Variants in DSN1 observed in about 807,000 individuals in gnomAD.
DSN1 encodes DSN1 component of MIS12 kinetochore complex.
DSN1 carries 31 observed loss-of-function variants against 45.7 expected under a neutral mutation model. The ratio of observed to expected loss-of-function variants is 0.68; its 90% CI spans 0.51 to 0.92. The LOEUF is 0.92. Ranked by LOEUF, DSN1 falls within the 40% of genes least tolerant of loss-of-function variation. DSN1 has a pLI of 0.00. For missense variants in DSN1, 394 were observed against 414.2 expected (o/e 0.95, Z 0.42); for synonymous variants, 134 against 142.3 (o/e 0.94, Z 0.41).
At chr20:36,756,315 A>G (rs1399260320) in intron 8 of DSN1, among the ~76,000 whole-genome samples, 2 of 152,070 alleles carry the variant, frequency 1.3e-5, no homozygotes, top group South Asian at 2.1e-4. Flanking sequence ...TCTAGTATTC[A>G]TGTCTTTATA....
chr20:36,772,148 G>C (rs1987682776), intron 1 of DSN1, among the ~76,000 whole-genome samples: 1 of 151,910 alleles, frequency 6.6e-6, no homozygotes, highest in African/African-American at 2.4e-5. Flanking sequence ...CCCAAAGTCT[G>C]GGATTACAGG....
chr20:36,755,677 C>G lies in DSN1; in HGVS notation c.873+5G>C. The G allele has an allele frequency of 1.2e-6, 2 of 1,610,442 alleles. No individual in the cohort carries two copies. The highest frequency in any genetic ancestry group is 1.1e-5 in the South Asian group (1 of 90,540). On this transcript the variant is annotated splice_donor_5th_base_variant and intron_variant, in intron 9 of 10. Transcript: ENST00000373750. Reference sequence around the variant, plus strand: ...ACTCAACTAAATAAACATGAGCCCACTTACCACCAACTCCATACAGTCAAA... The same window carrying G: ...ACTCAACTAAATAAACATGAGCCCAGTTACCACCAACTCCATACAGTCAAA...
intron 4 of DSN1, among the ~76,000 whole-genome samples, chr20:36,767,405 A>G (rs1031978732): frequency 6.6e-6 from 1 of 152,172 alleles, no homozygotes; most frequent in African/African-American, 2.4e-5. Flanking sequence ...AAGGTTATTT[A>G]ATTCACACAA....
chr20:36,769,117 G>A (rs1447652596), intron 3 of DSN1, among the ~76,000 whole-genome samples: 2 of 152,200 alleles, frequency 1.3e-5, no homozygotes, highest in Non-Finnish European at 2.9e-5. Flanking sequence ...AATTGGGTGA[G>A]CATTTTACAT....
At chr20:36,762,689 T>C (rs934529169) in intron 5 of DSN1, 141 bp from the exon 6 acceptor site, 1 of 597,680 alleles carries the variant, frequency 1.7e-6, no homozygotes, top group African/African-American at 1.9e-5. Flanking sequence ...AAGTGTGGAG[T>C]TAAGTATGTA....
At chr20:36,773,238 T>C (rs1329570838) in intron 1 of DSN1, among the ~76,000 whole-genome samples, 3 of 152,220 alleles carry the variant, frequency 2.0e-5, no homozygotes, top group Non-Finnish European at 2.9e-5. Context: ...GTTATTCCAC[T>C]TAATCCCTTC....
At chr20:36,758,533 G>T (rs374915964) in intron 7 of DSN1, 25 bp downstream of exon 7, 3 of 1,585,578 alleles carry the variant, frequency 1.9e-6, no homozygotes, top group East Asian at 4.5e-5. Flanking sequence ...AACGAATTTA[G>T]ATTTTCTAAC....
At chr20:36,765,122 G>A (rs1003822933) in intron 5 of DSN1, among the ~76,000 whole-genome samples, 4 of 151,900 alleles carry the variant, frequency 2.6e-5, no homozygotes, top group African/African-American at 9.7e-5. Flanking sequence ...GCTGGTGAGA[G>A]AATAAATTGA....
chr20:36,752,078 A>G lies in DSN1; in HGVS notation c.*710T>C, dbSNP rs901749653. On this transcript the variant is annotated 3_prime_UTR_variant, in exon 11 of 11. Transcript: ENST00000373750. ...TACAATTTTTAATTTTTTTTAAGAC[A>G]GTGTCTCACTCTGTCGCTCAGGCTG... 1 of 151,834 alleles carries G rather than the reference A, an allele frequency of 6.6e-6. No homozygotes were observed. The allele number at this position is 151,834 out of a possible 1,614,324, so 9.4% of individuals were successfully genotyped here.
At position 36,752,765 on chromosome 20, in the gene DSN1, T is replaced by C. The variant is rs753437238; in HGVS notation, c.*23A>G. ...TCCCATTCCTCTCCTCTTGGGCACC[T>C]TGTGGCAGAAACTCTCATAAAGTCA... On this transcript the variant is annotated 3_prime_UTR_variant, in exon 11 of 11. Transcript: ENST00000373750. 2 of 1,602,436 alleles carry C rather than the reference T, an allele frequency of 1.2e-6. No individual in the cohort carries two copies. The highest frequency in any genetic ancestry group is 2.7e-5 in the African/African-American group (2 of 74,646).
At chr20:36,763,605 C>T (rs1448522160) in intron 5 of DSN1, among the ~76,000 whole-genome samples, 1 of 150,008 alleles carries the variant, frequency 6.7e-6, no homozygotes, top group African/African-American at 2.4e-5. Flanking sequence ...AAAAGAAAAC[C>T]AGGCTGGGCG....
At chr20:36,762,782 C>A (rs572499004) in intron 5 of DSN1, among the ~76,000 whole-genome samples, 2 of 152,104 alleles carry the variant, frequency 1.3e-5, no homozygotes. Flanking sequence ...GACAGACTCT[C>A]GCTCCGTCAC....
At position 36,770,897 on chromosome 20, in the gene DSN1, G is replaced by A; in HGVS notation, c.331C>T (p.His111Tyr). ...MKETNRRKSL[H>Y]PIHQGITELS... ...CCTGTGATGCCCTGGTGAATGGGATGCAGCGACTTCCGCCGGTTCGTTTCT... is the reference window on the plus strand; with the variant it reads ...CCTGTGATGCCCTGGTGAATGGGATACAGCGACTTCCGCCGGTTCGTTTCT... Residue 111 changes from histidine to tyrosine, a missense_variant, in exon 3 of 11, where the codon CAT (histidine) becomes TAT (tyrosine). Transcript: ENST00000373750. 2 of 1,612,310 alleles carry A rather than the reference G, an allele frequency of 1.2e-6. No homozygotes were observed. The highest frequency in any genetic ancestry group is 1.7e-6 in the Non-Finnish European group (2 of 1,179,798).
intron 4 of DSN1, among the ~76,000 whole-genome samples, chr20:36,767,165 G>A (rs1415831762): frequency 6.6e-6 from 1 of 151,864 alleles, no homozygotes; most frequent in Non-Finnish European, 1.5e-5. Flanking sequence ...AAATTAGCGG[G>A]GCATGGTGGC....
At chr20:36,759,685 G>GT (rs1337746636) in intron 6 of DSN1, among the ~76,000 whole-genome samples, 1 of 151,340 alleles carries the variant, frequency 6.6e-6, no homozygotes, top group Non-Finnish European at 1.5e-5. Flanking sequence ...GGGTTTCACT[G>GT]TGTTAGCCAG....
At position 36,752,659 on chromosome 20, in the gene DSN1, A is replaced by C. The variant is rs1986436149; in HGVS notation, c.*129T>G. 1 of 654,134 alleles carries C rather than the reference A, an allele frequency of 1.5e-6. No individual in the cohort carries two copies. The highest frequency in any genetic ancestry group is 2.2e-5 in the South Asian group (1 of 45,632). 40.5% of individuals were successfully genotyped at this position (654,134 alleles called of 1,614,324 possible). A position where few individuals can be genotyped will look rare whatever the true frequency, so the allele number is the denominator to read the frequency against. Reference sequence around the variant, plus strand: ...TCCATCACTTTTTGAAAAAAGTCAAAGTGTTCTACAGTCAGTCCTGCCAGT... The same window carrying C: ...TCCATCACTTTTTGAAAAAAGTCAACGTGTTCTACAGTCAGTCCTGCCAGT... On this transcript the variant is annotated 3_prime_UTR_variant, in exon 11 of 11. Transcript: ENST00000373750.
intron 1 of DSN1, among the ~76,000 whole-genome samples, chr20:36,772,832 T>C (rs1473984163): frequency 6.6e-6 from 1 of 152,224 alleles, no homozygotes; most frequent in Non-Finnish European, 1.5e-5. Flanking sequence ...CCCCTTGGCC[T>C]TCGTAGCATT....
intron 5 of DSN1, 118 bp downstream of exon 5, chr20:36,766,651 T>TA: frequency 1.1e-6 from 1 of 906,802 alleles, no homozygotes; most frequent in Non-Finnish European, 1.8e-6. Context: ...AGACTCTGTC[T>TA]AAAAAACAAA....
At position 36,752,527 on chromosome 20, in the gene DSN1, T is replaced by C. The variant is rs367833837; in HGVS notation, c.*261A>G. 11 of 369,208 alleles carry C rather than the reference T, an allele frequency of 3.0e-5. No homozygotes were observed. The highest frequency in any genetic ancestry group is 1.4e-4 in the South Asian group (2 of 14,588). The allele number at this position is 369,208 out of a possible 1,614,324, so 22.9% of individuals were successfully genotyped here. A position where few individuals can be genotyped will look rare whatever the true frequency, so the allele number is the denominator to read the frequency against. ...CCTTCACAGGATAAAGATAAAAGAA[T>C]GGGCCACTGGATCTGAAGATCATTT... On this transcript the variant is annotated 3_prime_UTR_variant, in exon 11 of 11. Coordinates refer to ENST00000373750, the MANE Select transcript of DSN1 (RefSeq NM_001145315.2).
Sources: gnomAD v4.1 joint callset for allele counts (sites outside exome capture counted in the v4.1 genomes callset) on GRCh38, gnomAD v4.1.1 for gene constraint, MANE v1.5 for transcripts, NCBI Gene and HGNC (gene_info 2026-07-23, HGNC 2026-07-21) for gene names.